ZNF521: variants seen among roughly 807,000 people sequenced by gnomAD.
ZNF521 encodes the protein zinc finger protein 521, also known as LYST-interacting protein 3.
Under a neutral mutation model 105.5 loss-of-function variants are expected in ZNF521, and 14 were observed. The observed-to-expected ratio is 0.13, with a 90% confidence interval of 0.09 to 0.21. The LOEUF (loss-of-function observed/expected upper bound fraction) is 0.21, where lower values mean the gene tolerates loss of function less well. ZNF521 is among the 10% of genes least tolerant of loss of function. The probability of loss-of-function intolerance (pLI) is 1.00; values close to 1 mark genes in which losing one functional copy is unlikely to be tolerated. For missense variants in ZNF521, 1,233 were observed against 1,629.7 expected (o/e 0.76, Z 4.19); for synonymous variants, 635 against 606.0 (o/e 1.05, Z -0.70).
chr18:25,332,823 T>G (rs1913653995), intron 2 of ZNF521, among the ~76,000 whole-genome samples: 1 of 152,142 alleles, frequency 6.6e-6, no homozygotes, highest in Non-Finnish European at 1.5e-5. Context: ...TGCATGTATC[T>G]GCAGACAAGT....
intron 3 of ZNF521, among the ~76,000 whole-genome samples, chr18:25,274,572 C>T (rs1050695212): frequency 2.6e-5 from 4 of 151,956 alleles, no homozygotes; most frequent in Middle Eastern, 3.2e-3. Flanking sequence ...GAGAATCTAC[C>T]AACACAACAA....
intron 1 of ZNF521, 101 bp downstream of exon 1, chr18:25,351,877 AGCGGCGGCGGCAGCAGCGGCGGCAGCG>A (rs1413946177): frequency 7.4e-6 from 2 of 271,138 alleles, no homozygotes; most frequent in Non-Finnish European, 1.5e-5. Context: ...CTGCCTCGGC[AGCGGCGGCGGCAGCAGCGGCGGCAGCG>A]GCGGCGGCAG....
intron 5 of ZNF521, among the ~76,000 whole-genome samples, chr18:25,105,938 G>A (rs910688142): frequency 4.6e-5 from 7 of 151,904 alleles, no homozygotes; most frequent in Non-Finnish European, 8.8e-5. Context: ...TTTCAGCTTG[G>A]GCCTTTCTGG....
chr18:25,347,488 T>G (rs1227098107), intron 2 of ZNF521, among the ~76,000 whole-genome samples: 2 of 152,164 alleles, frequency 1.3e-5, no homozygotes, highest in Non-Finnish European at 2.9e-5. Context: ...AGTGAATCTT[T>G]TCGGTGTTTA....
At chr18:25,074,763 CCT>C (rs1307684482) in intron 7 of ZNF521, among the ~76,000 whole-genome samples, 5 of 152,128 alleles carry the variant, frequency 3.3e-5, no homozygotes, top group Non-Finnish European at 7.3e-5. Context: ...TTCCCATTCT[CCT>C]CTCACTTCCT....
At chr18:25,138,779 A>T (rs1319167777) in intron 5 of ZNF521, among the ~76,000 whole-genome samples, 1 of 152,158 alleles carries the variant, frequency 6.6e-6, no homozygotes, top group Non-Finnish European at 1.5e-5. Flanking sequence ...TTGAGAGAAG[A>T]GAACTGGCTT....
chr18:25,149,155 G>A (rs747297844), intron 5 of ZNF521, among the ~76,000 whole-genome samples: 1 of 152,178 alleles, frequency 6.6e-6, no homozygotes, highest in Non-Finnish European at 1.5e-5. Context: ...TAAGGCACAG[G>A]TCTTTGTCCA....
chr18:25,062,635 A>T lies in ZNF521; in HGVS notation c.*77T>A. ...TTCTGAATAATATACATTAACAATG[A>T]AAGTTTCGTGCAAAGAGTAAAACAT... On this transcript the variant is annotated 3_prime_UTR_variant, in exon 8 of 8. Transcript: ENST00000361524. 1 of 1,514,766 alleles carries T rather than the reference A, an allele frequency of 6.6e-7. No individual in the cohort carries two copies. The highest frequency in any genetic ancestry group is 2.3e-5 in the East Asian group (1 of 44,384). The allele number at this position is 1,514,766 out of a possible 1,614,324, so 93.8% of individuals were successfully genotyped here. A position where few individuals can be genotyped will look rare whatever the true frequency, so the allele number is the denominator to read the frequency against.
intron 3 of ZNF521, among the ~76,000 whole-genome samples, chr18:25,286,917 T>G (rs1025646451): frequency 9.9e-5 from 15 of 152,184 alleles, no homozygotes; most frequent in African/African-American, 3.4e-4. Context: ...ATTCCAAATA[T>G]CTTTTGCAAA....
At chr18:25,299,017 T>C (rs1030013029) in intron 3 of ZNF521, among the ~76,000 whole-genome samples, 7 of 152,164 alleles carry the variant, frequency 4.6e-5, no homozygotes, top group African/African-American at 1.7e-4. Context: ...GCAGCAAAAT[T>C]CTAGATCCTA....
intron 5 of ZNF521, among the ~76,000 whole-genome samples, chr18:25,154,651 G>A (rs1047515311): frequency 6.6e-6 from 1 of 152,052 alleles, no homozygotes; most frequent in Non-Finnish European, 1.5e-5. Flanking sequence ...TAATCTACCT[G>A]TAAATAACTC....
At chr18:25,064,583 A>T (rs535186001) in intron 7 of ZNF521, among the ~76,000 whole-genome samples, 1 of 152,346 alleles carries the variant, frequency 6.6e-6, no homozygotes, top group South Asian at 2.1e-4. Flanking sequence ...ACTGTCTTGT[A>T]GGTTAAGGGA....
chr18:25,154,373 A>C (rs1284302926), intron 5 of ZNF521, among the ~76,000 whole-genome samples: 1 of 152,192 alleles, frequency 6.6e-6, no homozygotes, highest in African/African-American at 2.4e-5. Flanking sequence ...AATGTGGACA[A>C]AAAGATTTTT....
chr18:25,086,506 A>C lies in ZNF521; in HGVS notation c.3906+2959T>G, dbSNP rs185294404. Among the ~76,000 whole-genome samples the C allele has an allele frequency of 1.9e-3, 293 of 152,288 alleles. 2 individuals are homozygous for C. The highest frequency in any genetic ancestry group is 6.7e-3 in the African/African-American group (278 of 41,572). On this transcript the variant is annotated intron_variant, in intron 7 of 7. Coordinates refer to ENST00000361524, the MANE Select transcript of ZNF521 (RefSeq NM_015461.3). ...ATGTGTTGAAACTAAAGCCACTGAC[A>C]TTATTGAGGATTTCAGAAACTAGAC... is the stretch of plus-strand genomic sequence containing the variant.
intron 2 of ZNF521, among the ~76,000 whole-genome samples, chr18:25,333,316 A>C (rs5020686): frequency 0.56 from 63,898 of 113,386 alleles, 15,241 homozygotes; most frequent in African/African-American, 0.71. Flanking sequence ...CTCTCTCTCT[A>C]TATATATATA....
intron 2 of ZNF521, among the ~76,000 whole-genome samples, chr18:25,332,173 TTTC>T (rs1208320563): frequency 6.6e-6 from 1 of 152,008 alleles, no homozygotes; most frequent in Non-Finnish European, 1.5e-5. Flanking sequence ...AACAGATTTT[TTTC>T]TTTTCTAAGT....
intron 3 of ZNF521, among the ~76,000 whole-genome samples, chr18:25,248,883 C>T (rs535168012): frequency 2.3e-4 from 35 of 152,200 alleles, no homozygotes; most frequent in Non-Finnish European, 4.4e-4. Flanking sequence ...GGCTTATAGG[C>T]CAAATGCTCT....
At chr18:25,281,519 T>C (rs1329691701) in intron 3 of ZNF521, among the ~76,000 whole-genome samples, 2 of 152,196 alleles carry the variant, frequency 1.3e-5, no homozygotes, top group Non-Finnish European at 2.9e-5. Context: ...TTACTCTACA[T>C]AGTAACAATC....
chr18:25,192,986 T>A (rs973845750), intron 5 of ZNF521, among the ~76,000 whole-genome samples: 22 of 152,200 alleles, frequency 1.4e-4, no homozygotes, highest in Non-Finnish European at 2.1e-4. Flanking sequence ...TTTTTATTAT[T>A]AAAAATGGCA....
Sources: gnomAD v4.1 joint callset for allele counts (sites outside exome capture counted in the v4.1 genomes callset) on GRCh38, gnomAD v4.1.1 for gene constraint, MANE v1.5 for transcripts, NCBI Gene and HGNC (gene_info 2026-07-23, HGNC 2026-07-21) for gene names.